Variants in FOXP1 observed in about 807,000 individuals in gnomAD.
The protein encoded by FOXP1 is forkhead box protein P1.
FOXP1 carries 15 observed loss-of-function variants against 98.2 expected under a neutral mutation model. The ratio of observed to expected loss-of-function variants is 0.15; its 90% CI spans 0.10 to 0.24. The LOEUF is 0.24. Among genes scored for constraint, FOXP1 ranks in the 10% least tolerant of loss-of-function variants. The pLI, the probability that FOXP1 is intolerant of heterozygous loss-of-function variation, is 1.00. For synonymous variants in FOXP1, 371 were observed against 314.5 expected (o/e 1.18, Z -1.90); for missense variants, 633 against 848.5 (o/e 0.75, Z 3.15).
At chr3:71,505,415 CTTTTTT>C (rs66459828) in intron 2 of FOXP1, among the ~76,000 whole-genome samples, 2 of 82,112 alleles carry the variant, frequency 2.4e-5, no homozygotes, top group East Asian at 2.8e-4. Flanking sequence ...AAGAGGGATG[CTTTTTT>C]TTTTTTTTTT....
chr3:71,110,819 T>A (rs1410736441), intron 7 of FOXP1, among the ~76,000 whole-genome samples: 7 of 152,214 alleles, frequency 4.6e-5, no homozygotes, highest in African/African-American at 1.7e-4. Flanking sequence ...TCTTAAGACA[T>A]CTGCACAACA....
intron 6 of FOXP1, among the ~76,000 whole-genome samples, chr3:71,191,120 ACATTAT>A (rs1239282721): frequency 7.2e-4 from 109 of 152,234 alleles, no homozygotes; most frequent in African/African-American, 2.4e-3. Flanking sequence ...CTATAGGTTT[ACATTAT>A]ATAAACATTC....
chr3:71,017,368 TTAATCCACAGCTTAA>T (rs2044656447), intron 11 of FOXP1, among the ~76,000 whole-genome samples: 1 of 152,002 alleles, frequency 6.6e-6, no homozygotes, highest in African/African-American at 2.4e-5. Context: ...AAGAAAACTT[TTAATCCACAGCTTAA>T]AAAGAAAAGA....
chr3:71,493,940 CA>C (rs994775019), intron 2 of FOXP1, among the ~76,000 whole-genome samples: 2 of 151,210 alleles, frequency 1.3e-5, no homozygotes, highest in Middle Eastern at 3.4e-3. Context: ...TTTCGAAGAA[CA>C]AAAAAAGTAA....
At chr3:71,198,118 T>C in intron 6 of FOXP1, 84 bp downstream of exon 6, 3 of 1,613,194 alleles carry the variant, frequency 1.9e-6, no homozygotes, top group Admixed American at 1.7e-5. Flanking sequence ...AAAACACTGA[T>C]CGCGAGATCG....
At chr3:71,222,725 T>C (rs2065495043) in intron 5 of FOXP1, among the ~76,000 whole-genome samples, 1 of 152,198 alleles carries the variant, frequency 6.6e-6, no homozygotes, top group African/African-American at 2.4e-5. Context: ...CCCAACCCAT[T>C]CGCTGTTGGT....
chr3:71,450,527 G>A (rs1274060736), intron 3 of FOXP1, among the ~76,000 whole-genome samples: 1 of 152,210 alleles, frequency 6.6e-6, no homozygotes, highest in Non-Finnish European at 1.5e-5. Context: ...GTGTTAGGAT[G>A]TGTGAACACA....
At chr3:71,224,957 A>G (rs2065717259) in intron 5 of FOXP1, among the ~76,000 whole-genome samples, 2 of 152,218 alleles carry the variant, frequency 1.3e-5, no homozygotes, top group Non-Finnish European at 2.9e-5. Context: ...GAATGAGTGA[A>G]TGAGTGCCTA....
intron 3 of FOXP1, among the ~76,000 whole-genome samples, chr3:71,484,182 G>C (rs1370160287): frequency 1.3e-5 from 2 of 152,174 alleles, no homozygotes; most frequent in Non-Finnish European, 2.9e-5. Context: ...ACAGCGTGGA[G>C]AGATTGACAG....
chr3:71,356,786 C>T (rs1223154904), intron 4 of FOXP1, among the ~76,000 whole-genome samples: 1 of 152,174 alleles, frequency 6.6e-6, no homozygotes, highest in Non-Finnish European at 1.5e-5. Flanking sequence ...CCACAGGAGG[C>T]ATCCAAGGAG....
intron 3 of FOXP1, among the ~76,000 whole-genome samples, chr3:71,451,744 G>A (rs574329469): frequency 3.9e-4 from 60 of 152,258 alleles, no homozygotes; most frequent in Non-Finnish European, 2.6e-4. Flanking sequence ...ACATCAAGTG[G>A]CCATCCCCTA....
At chr3:71,411,544 G>A (rs949953125) in intron 3 of FOXP1, among the ~76,000 whole-genome samples, 30 of 152,018 alleles carry the variant, frequency 2.0e-4, no homozygotes, top group Admixed American at 1.6e-3. Context: ...GGATGGTCTC[G>A]ATCTCCTGAC....
At chr3:71,349,323 A>G (rs2077613682) in intron 4 of FOXP1, among the ~76,000 whole-genome samples, 1 of 152,230 alleles carries the variant, frequency 6.6e-6, no homozygotes, top group Non-Finnish European at 1.5e-5. Context: ...TCATTTTAAC[A>G]TAACGCACTT....
intron 3 of FOXP1, among the ~76,000 whole-genome samples, chr3:71,384,040 A>T (rs1302096805): frequency 6.6e-6 from 1 of 152,142 alleles, no homozygotes. Flanking sequence ...AACGTGGTGT[A>T]ACCCTGCCTC....
chr3:71,429,762 C>A (rs2084524146), intron 3 of FOXP1, among the ~76,000 whole-genome samples: 1 of 152,196 alleles, frequency 6.6e-6, no homozygotes, highest in African/African-American at 2.4e-5. Flanking sequence ...TCAAGAATCA[C>A]CGTCATTGAA....
chr3:71,417,269 G>C (rs1451042225), intron 3 of FOXP1, among the ~76,000 whole-genome samples: 1 of 152,194 alleles, frequency 6.6e-6, no homozygotes, highest in Non-Finnish European at 1.5e-5. Context: ...CACCCACCAT[G>C]AAATTTACAG....
chr3:71,258,329 A>G (rs2068809071), intron 5 of FOXP1, among the ~76,000 whole-genome samples: 1 of 152,152 alleles, frequency 6.6e-6, no homozygotes, highest in African/African-American at 2.4e-5. Flanking sequence ...GAGAGGAGGA[A>G]AAAAAAGACA....
intron 5 of FOXP1, among the ~76,000 whole-genome samples, chr3:71,250,985 T>C (rs963203695): frequency 7.9e-5 from 12 of 152,152 alleles, no homozygotes; most frequent in African/African-American, 2.9e-4. Context: ...TTTTAAAAAT[T>C]CCAATCTTAC....
intron 5 of FOXP1, among the ~76,000 whole-genome samples, chr3:71,277,594 CA>C (rs1277843729): frequency 6.6e-6 from 1 of 152,102 alleles, no homozygotes; most frequent in Non-Finnish European, 1.5e-5. Context: ...CTCCTCCCTG[CA>C]TATTATATTC....
Sources: gnomAD v4.1 joint callset for allele counts (sites outside exome capture counted in the v4.1 genomes callset) on GRCh38, gnomAD v4.1.1 for gene constraint, MANE v1.5 for transcripts, NCBI Gene and HGNC (gene_info 2026-07-23, HGNC 2026-07-21) for gene names.